The following KIF13B variants were observed in gnomAD, a reference collection of about 807,000 sequenced individuals.
KIF13B encodes kinesin-like protein KIF13B.
KIF13B carries 127 observed loss-of-function variants against 222.0 expected under a neutral mutation model. The observed-to-expected ratio is 0.57, with a 90% confidence interval of 0.50 to 0.66. KIF13B has a LOEUF of 0.66. KIF13B is among the 30% of genes least tolerant of loss of function. The probability of loss-of-function intolerance (pLI) is 0.00; values close to 1 mark genes in which losing one functional copy is unlikely to be tolerated. For synonymous variants in KIF13B, 976 were observed against 919.0 expected, an observed-to-expected ratio of 1.06 and a Z score of -1.12; for missense variants, 2,173 against 2,379.0, an observed-to-expected ratio of 0.91 and a Z score of 1.80.
At chr8:29,100,412 G>A (rs933194087) in intron 35 of KIF13B, among the ~76,000 whole-genome samples, 5 of 151,666 alleles carry the variant, frequency 3.3e-5, no homozygotes, top group Non-Finnish European at 7.4e-5. Flanking sequence ...TTTAATAATC[G>A]TGTGCAATAT....
rs755997303 is a variant in KIF13B, at chr8:29,070,746, C to G, written c.5239G>C (p.Gly1747Arg). The change falls in exon 40 of 40, where the codon GGC (glycine) becomes CGC (arginine). Residue 1747 changes from glycine to arginine, a missense_variant. Gly to Arg is a moderately radical substitution (Grantham distance 125). This residue lies in a region of KIF13B where 693 missense variants were observed against 656.2 expected (regional missense o/e 1.06). Coordinates refer to ENST00000524189, the MANE Select transcript of KIF13B (RefSeq NM_015254.4). The surrounding 1 kb of genome is among the most constrained non-coding windows in gnomAD (Gnocchi z 4.1). ...TTACACCTGAAGTACTGCTTCCCGC[C>G]GATGGAACCGTCATTCTTACCTGCG... ...LPSGKNDGSI[G>R]GKQYFRCNPG... 6.3e-7 allele frequency: 1 copy of G among 1,586,040 alleles called. No homozygotes were observed. The highest frequency in any genetic ancestry group is 1.3e-5 in the African/African-American group (1 of 74,498).
At chr8:29,081,727 T>A (rs1387714295) in intron 37 of KIF13B, among the ~76,000 whole-genome samples, 1 of 152,216 alleles carries the variant, frequency 6.6e-6, no homozygotes, top group Non-Finnish European at 1.5e-5. Context: ...TACTAGGAAA[T>A]TGTAACTTGC....
At chr8:29,252,012 G>GA (rs1025586286) in intron 1 of KIF13B, among the ~76,000 whole-genome samples, 3 of 148,224 alleles carry the variant, frequency 2.0e-5, no homozygotes, top group Non-Finnish European at 4.5e-5. Context: ...GGAAAGAAAG[G>GA]AAAAAAAAGG....
intron 2 of KIF13B, among the ~76,000 whole-genome samples, chr8:29,198,840 T>C (rs1027821940): frequency 3.3e-5 from 5 of 152,190 alleles, no homozygotes; most frequent in African/African-American, 1.2e-4. Flanking sequence ...ATATTGCATG[T>C]TCTTACCAAT....
At chr8:29,143,648 C>A (rs1810918596) in intron 18 of KIF13B, among the ~76,000 whole-genome samples, 1 of 152,126 alleles carries the variant, frequency 6.6e-6, no homozygotes, top group African/African-American at 2.4e-5. Context: ...GAGTTTGAGA[C>A]CAGCCTGGCC....
Position 29,235,330 on chromosome 8 carries a change from A to G in KIF13B, c.149+10016T>C, listed in dbSNP as rs139168631. Among the ~76,000 whole-genome samples the G allele has an allele frequency of 5.2e-3, 790 of 152,382 alleles. 2 individuals carry two copies. The highest frequency in any genetic ancestry group is 6.8e-3 in the Middle Eastern group (2 of 294). ...ACCGTCCAAGCAAGATAATCTATCTATCTAGTGGACAAGGACAGCCATTGC... is the reference window on the plus strand; with the variant it reads ...ACCGTCCAAGCAAGATAATCTATCTGTCTAGTGGACAAGGACAGCCATTGC... On this transcript the variant is annotated intron_variant, in intron 2 of 39. Transcript: ENST00000524189.
At chr8:29,157,960 A>G (rs1416895542) in intron 13 of KIF13B, among the ~76,000 whole-genome samples, 1 of 151,964 alleles carries the variant, frequency 6.6e-6, no homozygotes, top group Non-Finnish European at 1.5e-5. Context: ...TCTGACCCTC[A>G]CACTCACCAT....
intron 11 of KIF13B, 136 bp downstream of exon 11, chr8:29,167,237 C>T: frequency 1.6e-6 from 1 of 637,164 alleles, no homozygotes; most frequent in Non-Finnish European, 2.8e-6. Context: ...TTACTCATCC[C>T]AAAGTTCTCT....
chr8:29,126,341 T>C, intron 26 of KIF13B, 141 bp downstream of exon 26: 3 of 627,450 alleles, frequency 4.8e-6, no homozygotes, highest in Admixed American at 2.8e-5. Context: ...CAATGTTCCC[T>C]ACTCTGTTTT....
At chr8:29,176,656 G>A (rs1812492054) in intron 9 of KIF13B, among the ~76,000 whole-genome samples, 1 of 152,162 alleles carries the variant, frequency 6.6e-6, no homozygotes, top group Admixed American at 6.5e-5. Context: ...TGGCTTGAGG[G>A]AGAAAATGTG....
intron 10 of KIF13B, among the ~76,000 whole-genome samples, chr8:29,171,416 A>G (rs529952066): frequency 6.6e-6 from 1 of 152,220 alleles, no homozygotes; most frequent in East Asian, 1.9e-4. Context: ...TACAACGCAA[A>G]TATGAGGCAG....
chr8:29,138,092 G>C (rs1810644411), intron 21 of KIF13B, among the ~76,000 whole-genome samples: 1 of 152,224 alleles, frequency 6.6e-6, no homozygotes, highest in African/African-American at 2.4e-5. Context: ...GCTCACACCT[G>C]TAATCCTTGC....
chr8:29,250,516 A>C (rs1446833944), intron 1 of KIF13B, among the ~76,000 whole-genome samples: 2 of 152,164 alleles, frequency 1.3e-5, no homozygotes, highest in Non-Finnish European at 2.9e-5. Context: ...AATACACCTA[A>C]CCTAAACTCA....
chr8:29,116,935 C>T lies in KIF13B; in HGVS notation c.3733G>A (p.Glu1245Lys), dbSNP rs750106779. ...PQLSRGTPVD[E>K]RLFLIVRVTV... ...ACGCGCACGATCAGGAACAACCGCT[C>T]GTCCACGGGCGTGCCCCTGCTGAGC... Residue 1245 changes from glutamate to lysine, a missense_variant, in exon 31 of 40, where the codon GAG becomes AAG. By Grantham distance (56) the Glu-to-Lys change is moderately conservative. Coordinates refer to ENST00000524189, the MANE Select transcript of KIF13B (RefSeq NM_015254.4). 5.0e-6 allele frequency: 8 copies of T among 1,612,968 alleles called. No homozygotes were observed. Among genetic ancestry groups the T allele is most frequent in the Admixed American group, 3.3e-5 (2 of 59,970 alleles).
chr8:29,122,655 G>T lies in KIF13B; in HGVS notation c.3480-9C>A. 6.2e-7 allele frequency: 1 copy of T among 1,603,336 alleles called. No individual in the cohort carries two copies. Among genetic ancestry groups the T allele is most frequent in the Non-Finnish European group, 8.5e-7 (1 of 1,174,388 alleles). On this transcript the variant is annotated splice_polypyrimidine_tract_variant and intron_variant, in intron 28 of 39. Coordinates refer to ENST00000524189, the MANE Select transcript of KIF13B (RefSeq NM_015254.4). ...TCCCAGGTACTGGGGTCCTAAAACGGGAAGAACAAATGGCATCTGCCTCAG... is the reference window on the plus strand; with the variant it reads ...TCCCAGGTACTGGGGTCCTAAAACGTGAAGAACAAATGGCATCTGCCTCAG...
chr8:29,228,780 G>C (rs1330776903), intron 2 of KIF13B, among the ~76,000 whole-genome samples: 1 of 151,940 alleles, frequency 6.6e-6, no homozygotes, highest in Non-Finnish European at 1.5e-5. Flanking sequence ...AAGTTTCATT[G>C]TAACACATCT....
intron 2 of KIF13B, among the ~76,000 whole-genome samples, chr8:29,234,843 T>C (rs1386616208): frequency 6.6e-6 from 1 of 151,976 alleles, no homozygotes; most frequent in South Asian, 2.1e-4. Flanking sequence ...ATCATAAAAA[T>C]GACGGAATGG....
rs374562840 is a variant in KIF13B, at chr8:29,181,977, T to A, written c.527A>T (p.His176Leu). The part of the protein sequence containing the change: ...GSRQTLKVRE[H>L]SVLGPYVDGL... ...GTCGACATAAGGTCCCAACACACTA[T>A]GCTCTCTGACTTTCAACGTCTGACG... Residue 176 changes from histidine to leucine, a missense_variant, in exon 7 of 40, where the codon CAT (histidine) becomes CTT (leucine). By Grantham distance (99) the His-to-Leu change is moderately conservative (BLOSUM62 -3). Around this residue, in one of 2 missense-constraint regions of KIF13B, gnomAD observed 1,480 missense variants for 1,722.8 expected, o/e 0.86. Transcript: ENST00000524189. 6.8e-6 allele frequency: 11 copies of A among 1,613,458 alleles called. No individual in the cohort carries two copies. Among genetic ancestry groups the A allele is most frequent in the Non-Finnish European group, 8.5e-6 (10 of 1,179,716 alleles).
intron 6 of KIF13B, 131 bp from the exon 7 acceptor site, chr8:29,182,137 C>A (rs1812738941): frequency 5.1e-6 from 3 of 583,660 alleles, no homozygotes; most frequent in Non-Finnish European, 8.7e-6. Flanking sequence ...TGACTTGATC[C>A]CAGAAGAATT....
Sources: gnomAD v4.1 joint callset for allele counts (sites outside exome capture counted in the v4.1 genomes callset) on GRCh38, gnomAD v4.1.1 for gene constraint, gnomAD v4.1.1 regional missense constraint, Gnocchi (gnomAD v3.1) non-coding constraint, MANE v1.5 for transcripts, NCBI Gene and HGNC (gene_info 2026-07-23, HGNC 2026-07-21) for gene names.